Variants in AFF4 observed in about 807,000 individuals in gnomAD.
AFF4 encodes AF4/FMR2 family member 4.
AFF4 carries 13 observed loss-of-function variants against 124.8 expected under a neutral mutation model. The observed-to-expected ratio is 0.10, with a 90% CI of 0.07 to 0.17. The LOEUF is 0.17. Among genes scored for constraint, AFF4 ranks in the 10% least tolerant of loss-of-function variants. The probability of loss-of-function intolerance (pLI) is 1.00; values close to 1 mark genes in which losing one functional copy is unlikely to be tolerated. For synonymous variants in AFF4, 477 were observed against 496.1 expected (o/e 0.96, Z 0.51); for missense variants, 1,092 against 1,403.8 (o/e 0.78, Z 3.55).
At chr5:132,924,071 T>C (rs1393714375) in intron 5 of AFF4, among the ~76,000 whole-genome samples, 2 of 151,558 alleles carry the variant, frequency 1.3e-5, no homozygotes, top group African/African-American at 4.9e-5. Context: ...CTGACCAGCA[T>C]GATGAAACCC....
chr5:132,956,875 C>T (rs1359833807), intron 1 of AFF4, among the ~76,000 whole-genome samples: 4 of 151,320 alleles, frequency 2.6e-5, no homozygotes, highest in East Asian at 1.9e-4. Context: ...CAAAAATTGG[C>T]CGGGCATGGT....
At chr5:132,891,878 C>T (rs1760267616) in intron 13 of AFF4, 2 of 486,840 alleles carry the variant, frequency 4.1e-6, no homozygotes, top group Admixed American at 3.4e-5. Flanking sequence ...ACTCAAATTC[C>T]TCAAATGATC....
In AFF4 at chr5:132,886,302, A is replaced by C. The variant is rs367741352; in HGVS notation, c.3099+8T>G. The C allele has an allele frequency of 8.1e-6, 13 of 1,612,220 alleles. No homozygotes were observed. The highest frequency in any genetic ancestry group is 1.3e-5 in the African/African-American group (1 of 74,856). ...TAGGAAACGGACCTTGTGCTTTTGCATACTTACCTTCAGGTGCTCTGTCAG... is the reference window on the plus strand; with the variant it reads ...TAGGAAACGGACCTTGTGCTTTTGCCTACTTACCTTCAGGTGCTCTGTCAG... On this transcript the variant is annotated splice_region_variant and intron_variant, in intron 18 of 20. Coordinates refer to ENST00000265343, the MANE Select transcript of AFF4 (RefSeq NM_014423.4).
At chr5:132,887,649 G>T (rs986432074) in intron 16 of AFF4, 57 bp from the exon 17 acceptor site, 4 of 1,548,890 alleles carry the variant, frequency 2.6e-6, no homozygotes, top group Admixed American at 3.4e-5. Flanking sequence ...TTGATCTTAT[G>T]ATTTCACTTG....
chr5:132,954,961 G>A (rs778010530), intron 1 of AFF4, among the ~76,000 whole-genome samples: 11 of 152,162 alleles, frequency 7.2e-5, no homozygotes, highest in Admixed American at 2.0e-4. Flanking sequence ...GTTCTTCTCC[G>A]GTATCCAGGA....
chr5:132,896,384 G>A lies in AFF4; in HGVS notation c.2246C>T (p.Thr749Met), dbSNP rs756860130. 30 of 1,613,234 alleles carry A rather than the reference G, an allele frequency of 1.9e-5. No individual in the cohort carries two copies. The highest frequency in any genetic ancestry group is 8.0e-5 in the African/African-American group (6 of 74,754). Residue 749 changes from threonine to methionine, a missense_variant, in exon 11 of 21, where the codon ACG (threonine) becomes ATG (methionine). Thr to Met is a moderately conservative substitution (Grantham distance 81, BLOSUM62 -1). Coordinates refer to ENST00000265343, the MANE Select transcript of AFF4 (RefSeq NM_014423.4). ...TGAGGCTTGTTTCTGAGCCTCTCTC[G>A]TGTGCTTTTCTGGCACATTTTTCTT... ...GEKKNVPEKHTREAQKQASEK... is the reference protein window; with the variant it reads ...GEKKNVPEKHMREAQKQASEK...
chr5:132,960,110 T>C (rs536738402), intron 1 of AFF4, among the ~76,000 whole-genome samples: 2 of 152,150 alleles, frequency 1.3e-5, no homozygotes, highest in Non-Finnish European at 2.9e-5. Flanking sequence ...CAGGTCAGGT[T>C]AGCTTTAGGC....
In AFF4 at chr5:132,960,465, A is replaced by C. The variant is rs529277505; in HGVS notation, c.-5+2794T>G. On this transcript the variant is annotated intron_variant, in intron 1 of 20. Coordinates refer to ENST00000265343, the MANE Select transcript of AFF4 (RefSeq NM_014423.4). ...AAAGTCCTCATAGATTTTGAACTCC[A>C]TTCTAAACCAGTGGATGGCCACAAA... is the stretch of plus-strand genomic sequence containing the variant. Among the ~76,000 whole-genome samples, 5 of 152,326 alleles carry C rather than the reference A, an allele frequency of 3.3e-5. No homozygotes were observed. The South Asian group carries it at 8.3e-4, about 25-fold the overall frequency.
At chr5:132,930,646 T>C (rs1447783294) in intron 4 of AFF4, among the ~76,000 whole-genome samples, 2 of 145,952 alleles carry the variant, frequency 1.4e-5, no homozygotes, top group East Asian at 4.0e-4. Flanking sequence ...ATTCAGGAGC[T>C]CACAAAAAAA....
chr5:132,891,782 C>T (rs193006055), intron 13 of AFF4: 32 of 274,598 alleles, frequency 1.2e-4, no homozygotes, highest in African/African-American at 6.6e-4. Context: ...ACCAACTTTT[C>T]CAATGACTGG....
At position 132,881,081 on chromosome 5, in the gene AFF4, T is replaced by C; in HGVS notation, c.3470A>G (p.Gln1157Arg). Reference sequence around the variant, plus strand: ...AGTTCAAGATATCAACTTGGCATCCTGGCGAAGCCAGTGCAGTCCCTGCCG... The same window carrying C: ...AGTTCAAGATATCAACTTGGCATCCCGGCGAAGCCAGTGCAGTCCCTGCCG... ...YTRQGLHWLR[Q>R]DAKLIS Residue 1157 changes from glutamine (Q) to arginine (R), a missense_variant, in exon 21 of 21, where the codon CAG becomes CGG. By Grantham distance (43) the Gln-to-Arg change is conservative. Coordinates refer to ENST00000265343, the MANE Select transcript of AFF4 (RefSeq NM_014423.4). The C allele has an allele frequency of 6.2e-7, 1 of 1,613,584 alleles. No individual in the cohort carries two copies. The highest frequency in any genetic ancestry group is 2.2e-5 in the East Asian group (1 of 44,866).
intron 20 of AFF4, among the ~76,000 whole-genome samples, chr5:132,882,864 A>AC (rs1214043418): frequency 6.6e-6 from 1 of 151,528 alleles, no homozygotes; most frequent in Non-Finnish European, 1.5e-5. Context: ...CAAAAAAAAA[A>AC]AAAAAAAAAT....
intron 20 of AFF4, 82 bp from the exon 21 acceptor site, chr5:132,881,268 A>G (rs1759971247): frequency 2.1e-6 from 3 of 1,459,766 alleles, no homozygotes; most frequent in Non-Finnish European, 2.8e-6. Flanking sequence ...ATTATAAAAC[A>G]GCATTCATAA....
At position 132,887,552 on chromosome 5, in the gene AFF4, T is replaced by C; in HGVS notation, c.2974A>G (p.Thr992Ala). Residue 992 changes from threonine (T) to alanine (A), a missense_variant, in exon 17 of 21, where the codon ACA (threonine) becomes GCA (alanine). Thr to Ala is a moderately conservative substitution (Grantham distance 58). Coordinates refer to ENST00000265343, the MANE Select transcript of AFF4 (RefSeq NM_014423.4). Reference protein sequence around the residue: ...KLKNYLAPDATAADKRLTVLC... With the variant: ...KLKNYLAPDAAAADKRLTVLC... ...ACTGTGAGTCGTTTATCTGCAGCTG[T>C]AGCATCTGGTGCCAAGTAATTCTTT... is the stretch of plus-strand genomic sequence containing the variant. The C allele has an allele frequency of 6.2e-7, 1 of 1,614,024 alleles. No individual in the cohort carries two copies. The highest frequency in any genetic ancestry group is 8.5e-7 in the Non-Finnish European group (1 of 1,179,894).
rs1186237189 is a variant in AFF4, at chr5:132,878,412, G to C, written c.*2647C>G. 1 of 231,184 alleles carries C rather than the reference G, an allele frequency of 4.3e-6. No individual in the cohort carries two copies. The highest frequency in any genetic ancestry group is 2.2e-5 in the African/African-American group (1 of 45,226). The allele number at this position is 231,184 out of a possible 1,614,324, so 14.3% of individuals were successfully genotyped here. On this transcript the variant is annotated 3_prime_UTR_variant, in exon 21 of 21. Transcript: ENST00000265343. ...ATACTAAGTACAAGTCTCAGACTAA[G>C]TTTTTAGCCACTTGTCAAATTCAGT... is the stretch of plus-strand genomic sequence containing the variant.
chr5:132,928,042 G>C (rs1030528944), intron 4 of AFF4, among the ~76,000 whole-genome samples: 1 of 152,034 alleles, frequency 6.6e-6, no homozygotes, highest in African/African-American at 2.4e-5. Context: ...GTAAATTAAG[G>C]AAATGCAACA....
chr5:132,904,442 T>A, intron 5 of AFF4, 38 bp from the exon 6 acceptor site: 1 of 1,554,686 alleles, frequency 6.4e-7, no homozygotes, highest in Admixed American at 2.0e-5. Flanking sequence ...AAAGTTACAC[T>A]AAAAAAGAAA....
chr5:132,881,493 A>C (rs141594143), intron 20 of AFF4, among the ~76,000 whole-genome samples: 1 of 152,236 alleles, frequency 6.6e-6, no homozygotes, highest in African/African-American at 2.4e-5. Context: ...ATGAAGATTT[A>C]ATGCCATAAT....
Position 132,933,791 on chromosome 5 carries a change from CATAGA to C in AFF4, c.918+351_918+355del, listed in dbSNP as rs140153251. The stretch of plus-strand genomic sequence containing the variant: ...TCTCATTCATTAGTATCAATCTAAG[CATAGA>C]AAAGTTAATTTTGTTTTTAAACAAC... On this transcript the variant is annotated intron_variant, in intron 3 of 20. Coordinates refer to ENST00000265343, the MANE Select transcript of AFF4 (RefSeq NM_014423.4). Among the ~76,000 whole-genome samples, 410 of 152,264 alleles carry C rather than the reference CATAGA, an allele frequency of 2.7e-3. 1 individual carries two copies. Among genetic ancestry groups the C allele is most frequent in the African/African-American group, 9.2e-3 (384 of 41,552 alleles).
Sources: gnomAD v4.1 joint callset for allele counts (sites outside exome capture counted in the v4.1 genomes callset) on GRCh38, gnomAD v4.1.1 for gene constraint, MANE v1.5 for transcripts, NCBI Gene and HGNC (gene_info 2026-07-23, HGNC 2026-07-21) for gene names.